SUN3: variants seen among roughly 807,000 people sequenced by gnomAD.
The protein encoded by SUN3 is SUN domain-containing protein 3.
SUN3 carries 36 observed loss-of-function variants against 48.2 expected under a neutral mutation model. That is an observed-to-expected ratio of 0.75 (90% CI 0.57 to 0.99). SUN3 has a LOEUF of 0.99. Ranked by LOEUF, SUN3 falls within the 50% of genes least tolerant of loss-of-function variation. The pLI is 0.00. For missense variants in SUN3, 419 were observed against 433.1 expected, an observed-to-expected ratio of 0.97 and a Z score of 0.29; for synonymous variants, 148 against 147.9, an observed-to-expected ratio of 1.00 and a Z score of 0.00.
chr7:48,002,168 TTTTTTTTTTG>T, intron 6 of SUN3, among the ~76,000 whole-genome samples: 1 of 118,910 alleles, frequency 8.4e-6, no homozygotes, highest in East Asian at 2.1e-4. Context: ...TTTTTTTTTT[TTTTTTTTTTG>T]AGACGGAGTC....
chr7:48,019,453 A>G (rs1789905906), intron 2 of SUN3, among the ~76,000 whole-genome samples: 1 of 152,140 alleles, frequency 6.6e-6, no homozygotes, highest in Non-Finnish European at 1.5e-5. Context: ...AAGATCAGAG[A>G]AGAAATAAAT....
the SUN3 span, among the ~76,000 whole-genome samples, chr7:48,034,989 A>G: frequency 2.0e-5 from 3 of 152,188 alleles, no homozygotes; most frequent in East Asian, 1.9e-4. Context: ...AGAAATTTGC[A>G]AGCAAATTTG....
At chr7:48,007,605 A>G (rs1161311981) in intron 4 of SUN3, among the ~76,000 whole-genome samples, 3 of 152,112 alleles carry the variant, frequency 2.0e-5, no homozygotes, top group African/African-American at 7.2e-5. Context: ...CTGGTCCCCC[A>G]GCTGGGTAAC....
chr7:48,000,349 G>A (rs1261225789), intron 6 of SUN3, among the ~76,000 whole-genome samples: 1 of 152,112 alleles, frequency 6.6e-6, no homozygotes, highest in African/African-American at 2.4e-5. Context: ...TGTTGGCCAG[G>A]CTAGTCTGGA....
intron 2 of SUN3, among the ~76,000 whole-genome samples, chr7:48,024,186 C>T (rs1025074313): frequency 6.6e-6 from 1 of 152,060 alleles, no homozygotes; most frequent in Non-Finnish European, 1.5e-5. Context: ...AATTACAAAC[C>T]TTCGTGTATC....
intron 8 of SUN3, among the ~76,000 whole-genome samples, chr7:47,993,711 G>A (rs191037254): frequency 2.5e-3 from 374 of 152,144 alleles, no homozygotes; most frequent in Middle Eastern, 6.8e-3. Context: ...TTCTTTTTAG[G>A]GTAAGAAAAA....
chr7:48,023,395 C>T (rs1378293335), intron 2 of SUN3, among the ~76,000 whole-genome samples: 8 of 151,882 alleles, frequency 5.3e-5, no homozygotes, highest in African/African-American at 1.9e-4. Flanking sequence ...GTTGAAATCC[C>T]CATGGTAACC....
intron 6 of SUN3, among the ~76,000 whole-genome samples, chr7:48,001,534 T>TG (rs965523298): frequency 3.7e-5 from 4 of 108,942 alleles, no homozygotes; most frequent in African/African-American, 1.9e-4. Flanking sequence ...TTTTTTTGTT[T>TG]TTTTTTTTTT....
chr7:47,994,184 T>C, intron 8 of SUN3, 131 bp downstream of exon 8: 1 of 772,528 alleles, frequency 1.3e-6, no homozygotes, highest in Non-Finnish European at 2.1e-6. Flanking sequence ...TCTTTGTAGG[T>C]GAGAAAGCAG....
chr7:48,012,624 A>C (rs1255188978), intron 3 of SUN3, among the ~76,000 whole-genome samples: 1 of 152,216 alleles, frequency 6.6e-6, no homozygotes, highest in African/African-American at 2.4e-5. Context: ...TGGGTAAATA[A>C]CTAAGCTTGC....
chr7:48,012,091 T>A (rs1789699235), intron 3 of SUN3, among the ~76,000 whole-genome samples: 1 of 152,220 alleles, frequency 6.6e-6, no homozygotes, highest in South Asian at 2.1e-4. Context: ...GGGTTCAGTG[T>A]CCTAGGAACC....
At chr7:47,989,089 G>A in intron 8 of SUN3, 1 of 390,086 alleles carries the variant, frequency 2.6e-6, no homozygotes. Flanking sequence ...AAGGATAGAA[G>A]ATGGATGGAC....
At chr7:48,010,102 A>AACAC (rs200536018) in intron 3 of SUN3, among the ~76,000 whole-genome samples, 2,759 of 152,014 alleles carry the variant, frequency 0.018, 84 homozygotes, top group African/African-American at 0.063. Flanking sequence ...CACACACACA[A>AACAC]ACACACACAC....
At chr7:47,988,552 T>TA (rs34277884) in intron 9 of SUN3, among the ~76,000 whole-genome samples, 1 of 152,184 alleles carries the variant, frequency 6.6e-6, no homozygotes, top group African/African-American at 2.4e-5. Context: ...ATATATATTA[T>TA]AAAAAAGTGA....
At chr7:47,989,592 TA>T (rs1788995349) in intron 8 of SUN3, among the ~76,000 whole-genome samples, 1 of 152,172 alleles carries the variant, frequency 6.6e-6, no homozygotes, top group South Asian at 2.1e-4. Context: ...CATTTTATAA[TA>T]AAAATATTAA....
At position 47,996,124 on chromosome 7, in the gene SUN3, C is replaced by T; in HGVS notation, c.600G>A (p.Gly200=). 5.0e-6 allele frequency: 8 copies of T among 1,585,992 alleles called. No homozygotes were observed. Among genetic ancestry groups the T allele is most frequent in the Non-Finnish European group, 6.8e-6 (8 of 1,169,500 alleles). ...KSAGASIIEA[G]TSESYKNNKA... is the part of the protein sequence containing the mutation. ...TATTATTTTTATAACTTTCTGAGGT[C>T]CCAGCTTCAATGATGGAGGCTCCTA... The change falls in exon 7 of 10, where the codon GGG becomes GGA. Residue 200 remains glycine, a synonymous_variant. Transcript: ENST00000297325.
chr7:48,017,389 G>T, intron 2 of SUN3, 24 bp from the exon 3 acceptor site: 1 of 1,292,024 alleles, frequency 7.7e-7, no homozygotes, highest in South Asian at 1.3e-5. Flanking sequence ...GACAAACTTT[G>T]ATTAAAGAGT....
chr7:48,010,167 T>C (rs1033024220), intron 3 of SUN3, among the ~76,000 whole-genome samples: 6 of 152,254 alleles, frequency 3.9e-5, no homozygotes, highest in African/African-American at 1.4e-4. Flanking sequence ...CACACATGCA[T>C]ACTCACATAT....
At chr7:48,017,968 A>G (rs1163527740) in intron 2 of SUN3, among the ~76,000 whole-genome samples, 1 of 152,242 alleles carries the variant, frequency 6.6e-6, no homozygotes, top group Admixed American at 6.5e-5. Context: ...CCAACAGCCC[A>G]TGAATAAAGA....
Sources: allele counts gnomAD v4.1 joint callset (sites outside exome capture counted in the v4.1 genomes callset), GRCh38; gene constraint gnomAD v4.1.1; transcripts MANE v1.5; gene names NCBI Gene and HGNC (gene_info 2026-07-23, HGNC 2026-07-21).